SH3GL3: variants seen among roughly 807,000 people sequenced by gnomAD.
SH3GL3 encodes endophilin-A3.
Under a neutral mutation model 47.7 loss-of-function variants are expected in SH3GL3, and 33 were observed. That is an observed-to-expected ratio of 0.69 (90% CI 0.52 to 0.92). The LOEUF is 0.92. Among genes scored for constraint, SH3GL3 ranks in the 40% least tolerant of loss-of-function variants. The pLI is 0.00. For missense variants in SH3GL3, 363 were observed against 417.8 expected, an observed-to-expected ratio of 0.87 and a Z score of 1.14; for synonymous variants, 155 against 148.8, an observed-to-expected ratio of 1.04 and a Z score of -0.30.
chr15:83,565,138 T>C lies in SH3GL3; in HGVS notation c.119T>C (p.Ile40Thr), dbSNP rs1257749946. The change falls in exon 3 of 9, where the codon ATA becomes ACA. Residue 40 changes from isoleucine (I) to threonine (T), a missense_variant. Coordinates refer to ENST00000427482, the MANE Select transcript of SH3GL3 (RefSeq NM_003027.5). The part of the protein sequence containing the change: ...DDEFLDMERK[I>T]DVTNKVVAEI... Reference sequence around the variant, plus strand: ...TTTTTAAATTTTGCTTTTAAGAAAATAGATGTTACCAATAAAGTTGTTGCA... The same window carrying C: ...TTTTTAAATTTTGCTTTTAAGAAAACAGATGTTACCAATAAAGTTGTTGCA... 2.7e-6 allele frequency: 4 copies of C among 1,488,664 alleles called. No homozygotes were observed. The highest frequency in any genetic ancestry group is 2.3e-5 in the East Asian group (1 of 43,884). The allele number at this position is 1,488,664 out of a possible 1,614,324, so 92.2% of individuals were successfully genotyped here. A position where few individuals can be genotyped will look rare whatever the true frequency, so the allele number is the denominator to read the frequency against.
downstream of SH3GL3, among the ~76,000 whole-genome samples, chr15:83,622,918 T>C (rs2060918913): frequency 6.6e-6 from 1 of 152,192 alleles, no homozygotes; most frequent in African/African-American, 2.4e-5. Context: ...ACAGGGCATT[T>C]CTCCCGAGGC....
intron 8 of SH3GL3, among the ~76,000 whole-genome samples, chr15:83,592,702 C>T (rs185463126): frequency 1.3e-5 from 2 of 152,200 alleles, no homozygotes; most frequent in African/African-American, 4.8e-5. Flanking sequence ...AAAAGTTCTT[C>T]TCTCTTGATT....
chr15:83,508,946 C>A (rs1163403277), intron 1 of SH3GL3, among the ~76,000 whole-genome samples: 1 of 152,066 alleles, frequency 6.6e-6, no homozygotes, highest in Non-Finnish European at 1.5e-5. Flanking sequence ...TTTAGAGGGG[C>A]CGGGGTAGAA....
intron 2 of SH3GL3, among the ~76,000 whole-genome samples, chr15:83,561,031 A>G (rs1279491549): frequency 1.3e-5 from 2 of 152,196 alleles, no homozygotes; most frequent in African/African-American, 4.8e-5. Context: ...GTTGATAAAA[A>G]TAGAAGTAGA....
the SH3GL3 span, among the ~76,000 whole-genome samples, chr15:83,627,329 A>G: frequency 6.6e-6 from 1 of 151,242 alleles, no homozygotes; most frequent in East Asian, 1.9e-4. Flanking sequence ...CCCGGGAGGC[A>G]GAGTTTGCAG....
At chr15:83,607,887 A>G (rs1183697553) in intron 8 of SH3GL3, among the ~76,000 whole-genome samples, 1 of 145,636 alleles carries the variant, frequency 6.9e-6, no homozygotes, top group African/African-American at 2.5e-5. Flanking sequence ...AATACAAACA[A>G]CAACAACAAA....
chr15:83,542,542 G>C (rs1207848355), intron 1 of SH3GL3, among the ~76,000 whole-genome samples: 3 of 152,066 alleles, frequency 2.0e-5, no homozygotes, highest in African/African-American at 7.2e-5. Flanking sequence ...GTTGCATTGA[G>C]TTTGTAGGTT....
chr15:83,486,557 G>T (rs922726066), intron 1 of SH3GL3, among the ~76,000 whole-genome samples: 1 of 152,120 alleles, frequency 6.6e-6, no homozygotes, highest in African/African-American at 2.4e-5. Flanking sequence ...CATCCATATT[G>T]TAGCATGTAT....
chr15:83,578,592 A>T (rs1441035387), intron 6 of SH3GL3, among the ~76,000 whole-genome samples: 1 of 152,112 alleles, frequency 6.6e-6, no homozygotes, highest in Admixed American at 6.5e-5. Context: ...TGCCAATTTG[A>T]AATTTCCCAT....
At chr15:83,602,085 G>T (rs764712755) in intron 8 of SH3GL3, among the ~76,000 whole-genome samples, 12 of 152,150 alleles carry the variant, frequency 7.9e-5, no homozygotes, top group Admixed American at 3.3e-4. Flanking sequence ...TAGGCTGATG[G>T]CAGCTCTGCC....
chr15:83,534,456 A>G (rs183908258), intron 1 of SH3GL3, among the ~76,000 whole-genome samples: 2 of 151,924 alleles, frequency 1.3e-5, no homozygotes, highest in Non-Finnish European at 2.9e-5. Context: ...AAGATTCGAA[A>G]CCTTTGTGTC....
Position 83,588,763 on chromosome 15 carries a change from AGAC to A in SH3GL3, c.834_836del (p.Thr279del). The A allele has an allele frequency of 6.4e-7, 1 of 1,567,610 alleles. No individual in the cohort carries two copies. The highest frequency in any genetic ancestry group is 8.8e-7 in the Non-Finnish European group (1 of 1,137,496). ...GGAGTTTCCACCACCTCTGTAGTGA[AGAC>A]GACAGGTAAGTTGACCATTCTAATA... On this transcript the variant is annotated inframe_deletion, in exon 8 of 9. Transcript: ENST00000427482.
At chr15:83,559,414 C>A in intron 2 of SH3GL3, 93 bp downstream of exon 2, 2 of 774,672 alleles carry the variant, frequency 2.6e-6, no homozygotes, top group South Asian at 3.0e-5. Flanking sequence ...GAGTGGAAAT[C>A]TAGGATGTTT....
the SH3GL3 span, among the ~76,000 whole-genome samples, chr15:83,627,641 T>C: frequency 6.6e-6 from 1 of 152,160 alleles, no homozygotes; most frequent in Admixed American, 6.5e-5. Flanking sequence ...TACATTTTGA[T>C]TGAATTTACT....
rs73442634 is a variant in SH3GL3, at chr15:83,449,496, T to C, written c.45+1918T>C. Among the ~76,000 whole-genome samples the C allele has an allele frequency of 4.1e-4, 62 of 152,298 alleles. 1 individual carries two copies. The highest frequency in any genetic ancestry group is 3.4e-3 in the Middle Eastern group (1 of 292). ...TTGAAAACTTTTCCTTTATTGGGTA[T>C]GGACTTCACAGGGGCAAATCTCAAA... On this transcript the variant is annotated intron_variant, in intron 1 of 8. Coordinates refer to ENST00000427482, the MANE Select transcript of SH3GL3 (RefSeq NM_003027.5).
intron 1 of SH3GL3, among the ~76,000 whole-genome samples, chr15:83,449,668 G>C (rs571284928): frequency 6.7e-6 from 1 of 150,202 alleles, no homozygotes; most frequent in African/African-American, 2.4e-5. Context: ...TTAACTACCT[G>C]TAATCAGTAC....
Position 83,547,142 on chromosome 15 carries a change from T to A in SH3GL3, c.46-12111T>A, listed in dbSNP as rs550925328. Among the ~76,000 whole-genome samples the A allele has an allele frequency of 3.3e-5, 5 of 152,338 alleles. No individual in the cohort carries two copies. In the East Asian group the frequency reaches 9.6e-4, roughly 29 times the overall value. On this transcript the variant is annotated intron_variant, in intron 1 of 8. Transcript: ENST00000427482. ...AGTATTTGTCCAGGAATTGCAGTCC[T>A]TGTGGCCTAGACTGCCTTTCAAGTT...
At chr15:83,539,540 A>T (rs1031528553) in intron 1 of SH3GL3, among the ~76,000 whole-genome samples, 1 of 152,230 alleles carries the variant, frequency 6.6e-6, no homozygotes, top group African/African-American at 2.4e-5. Context: ...CTTTTTGTCA[A>T]ATTGCCTATA....
intron 1 of SH3GL3, among the ~76,000 whole-genome samples, chr15:83,512,278 T>C (rs978813926): frequency 6.6e-5 from 10 of 152,176 alleles, no homozygotes; most frequent in African/African-American, 2.4e-4. Flanking sequence ...CTTGATAGTG[T>C]AAGATGTTTA....
Sources: gnomAD v4.1 joint callset for allele counts (sites outside exome capture counted in the v4.1 genomes callset) on GRCh38, gnomAD v4.1.1 for gene constraint, MANE v1.5 for transcripts, NCBI Gene and HGNC (gene_info 2026-07-23, HGNC 2026-07-21) for gene names.